The following MRPL37 variants were observed in gnomAD, a reference collection of about 807,000 sequenced individuals.
The protein encoded by MRPL37 is large ribosomal subunit protein mL37.
MRPL37 carries 34 observed loss-of-function variants against 44.1 expected under a neutral mutation model. The ratio of observed to expected loss-of-function variants is 0.77; its 90% CI spans 0.59 to 1.03. MRPL37 has a LOEUF of 1.03. Among genes scored for constraint, MRPL37 ranks in the 50% least tolerant of loss-of-function variants. The pLI, the probability that MRPL37 is intolerant of heterozygous loss-of-function variation, is 0.00. For synonymous variants in MRPL37, 212 were observed against 219.5 expected (o/e 0.97, Z 0.30); for missense variants, 532 against 543.7 (o/e 0.98, Z 0.21).
chr1:54,205,529 T>G, intron 3 of MRPL37, 119 bp downstream of exon 3: 4 of 809,614 alleles, frequency 4.9e-6, no homozygotes, highest in Non-Finnish European at 7.8e-6. Flanking sequence ...CCATCATTCG[T>G]GGTCTCGTTT....
At chr1:54,219,826 C>G (rs1570156060), downstream of MRPL37, among the ~76,000 whole-genome samples, 2 of 152,230 alleles carry the variant, frequency 1.3e-5, no homozygotes, top group Admixed American at 1.3e-4. Flanking sequence ...ACAGCCTGTT[C>G]TGCACTTCCT....
At chr1:54,203,729 G>A (rs576867607) in intron 1 of MRPL37, among the ~76,000 whole-genome samples, 1 of 152,082 alleles carries the variant, frequency 6.6e-6, no homozygotes, top group South Asian at 2.1e-4. Context: ...GCCCACCTCA[G>A]CCTCCCAAAG....
rs376817529 is a variant in MRPL37, at chr1:54,200,227, G to C, written c.-17G>C. 9.1e-6 allele frequency: 14 copies of C among 1,544,058 alleles called. No individual in the cohort carries two copies. The highest frequency in any genetic ancestry group is 1.2e-5 in the Non-Finnish European group (14 of 1,151,568). On this transcript the variant is annotated 5_prime_UTR_variant, in exon 1 of 7. An upstream open reading frame in the 5' UTR loses its in-frame stop. Coordinates refer to ENST00000360840, the MANE Select transcript of MRPL37 (RefSeq NM_016491.4). ...ATGGCGGGGTCCAGGTGGAGGTCTTGAGGCTATCAGATCGGTATGGCATTG... is the reference window on the plus strand; with the variant it reads ...ATGGCGGGGTCCAGGTGGAGGTCTTCAGGCTATCAGATCGGTATGGCATTG...
intron 1 of MRPL37, among the ~76,000 whole-genome samples, chr1:54,202,867 C>G (rs1316726415): frequency 2.0e-5 from 3 of 152,186 alleles, no homozygotes; most frequent in African/African-American, 7.2e-5. Flanking sequence ...GGTCTGCCAA[C>G]CAAGGCAGCC....
At chr1:54,208,727 C>T (rs1644142916) in intron 3 of MRPL37, among the ~76,000 whole-genome samples, 1 of 152,058 alleles carries the variant, frequency 6.6e-6, no homozygotes, top group South Asian at 2.1e-4. Context: ...AACTAGAGTG[C>T]TTTTCCCCCT....
chr1:54,221,295 C>T (rs115447871), downstream of MRPL37, among the ~76,000 whole-genome samples: 50 of 152,274 alleles, frequency 3.3e-4, no homozygotes, highest in Middle Eastern at 3.4e-3. Flanking sequence ...AGGACAGGAT[C>T]CTCTCGGGCT....
At chr1:54,214,039 T>C (rs577844084) in intron 5 of MRPL37, among the ~76,000 whole-genome samples, 42 of 152,220 alleles carry the variant, frequency 2.8e-4, no homozygotes, top group African/African-American at 1.0e-3. Context: ...AAAGATTAGC[T>C]GGGTGTGGTG....
chr1:54,202,400 T>C (rs1051544958), intron 1 of MRPL37, among the ~76,000 whole-genome samples: 1 of 152,228 alleles, frequency 6.6e-6, no homozygotes, highest in Non-Finnish European at 1.5e-5. Flanking sequence ...CTTTCATTTG[T>C]TACCACAAGA....
chr1:54,209,244 C>G (rs1432737747), intron 3 of MRPL37, among the ~76,000 whole-genome samples: 1 of 152,154 alleles, frequency 6.6e-6, no homozygotes, highest in East Asian at 1.9e-4. Flanking sequence ...CTTCGCTCCC[C>G]AGAGACCATC....
downstream of MRPL37, chr1:54,221,042 TC>T (rs1272798155): frequency 2.8e-6 from 1 of 352,962 alleles, no homozygotes; most frequent in Non-Finnish European, 5.7e-6. Flanking sequence ...ATCCTCCACT[TC>T]CTCGCTGGCA....
At position 54,205,368 on chromosome 1, in the gene MRPL37, A is replaced by T. The variant is rs199615607; in HGVS notation, c.604A>T (p.Ile202Phe). 1 of 1,614,058 alleles carries T rather than the reference A, an allele frequency of 6.2e-7. No homozygotes were observed. Among genetic ancestry groups the T allele is most frequent in the East Asian group, 2.2e-5 (1 of 44,880 alleles). Residue 202 changes from isoleucine (I) to phenylalanine (F), a missense_variant, in exon 3 of 7, where the codon ATC (isoleucine) becomes TTC (phenylalanine). By Grantham distance (21) the Ile-to-Phe change is conservative (BLOSUM62 0). Transcript: ENST00000360840. Reference protein sequence around the residue: ...ILKHPSLARRICVQNSTFSAT... With the variant: ...ILKHPSLARRFCVQNSTFSAT... ...CAAGCATCCTTCTCTGGCCAGGAGG[A>T]TCTGTGTCCAAAACTCCACGTTTTC...
chr1:54,200,956 A>T (rs990635017), intron 1 of MRPL37, among the ~76,000 whole-genome samples: 1 of 152,126 alleles, frequency 6.6e-6, no homozygotes, highest in African/African-American at 2.4e-5. Context: ...CATTCTGGAG[A>T]TTAACTGTAT....
chr1:54,203,467 C>CTTTTTTTTTTTT (rs780467512), intron 1 of MRPL37, among the ~76,000 whole-genome samples: 3 of 98,874 alleles, frequency 3.0e-5, no homozygotes, highest in African/African-American at 4.1e-5. Context: ...ACTTCATTTA[C>CTTTTTTTTTTTT]TTTTTTTTTT....
downstream of MRPL37, among the ~76,000 whole-genome samples, chr1:54,218,608 A>G (rs1479873929): frequency 2.0e-5 from 3 of 152,128 alleles, no homozygotes; most frequent in African/African-American, 7.2e-5. Context: ...TGTCTGCCAC[A>G]TGGCAGATAC....
At position 54,216,198 on chromosome 1, in the gene MRPL37, C is replaced by T. The variant is rs145269794; in HGVS notation, c.1048C>T (p.Arg350Cys). The stretch of plus-strand genomic sequence containing the variant: ...GGTGCAGAGCGTGGGCACGGATGGA[C>T]GTGTCTTCCATTTCCTAGTGTTTCA... ...VVVQSVGTDGRVFHFLVFQLN... is the reference protein window; with the variant it reads ...VVVQSVGTDGCVFHFLVFQLN... The change falls in exon 6 of 7, where the codon CGT (arginine) becomes TGT (cysteine). Residue 350 changes from arginine to cysteine, a missense_variant. Coordinates refer to ENST00000360840, the MANE Select transcript of MRPL37 (RefSeq NM_016491.4). 1.9e-5 allele frequency: 31 copies of T among 1,614,088 alleles called. No individual in the cohort carries two copies. Among genetic ancestry groups the T allele is most frequent in the Admixed American group, 3.3e-5 (2 of 60,002 alleles).
chr1:54,222,119 G>C (rs940319840), downstream of MRPL37, among the ~76,000 whole-genome samples: 1 of 152,208 alleles, frequency 6.6e-6, no homozygotes, highest in Non-Finnish European at 1.5e-5. Context: ...AGCACTCATC[G>C]AGCACCTACT....
At chr1:54,209,450 A>ATT (rs35454838) in intron 3 of MRPL37, among the ~76,000 whole-genome samples, 67 of 137,692 alleles carry the variant, frequency 4.9e-4, no homozygotes, top group South Asian at 1.9e-3. Context: ...AAAGTCTTTA[A>ATT]TTTTTTTTTT....
intron 5 of MRPL37, 64 bp downstream of exon 5, chr1:54,212,722 C>G: frequency 6.3e-7 from 1 of 1,598,076 alleles, no homozygotes; most frequent in Non-Finnish European, 8.6e-7. Context: ...CTTAAGGTTA[C>G]TGCTCAGAGG....
At chr1:54,201,359 C>A (rs951652116) in intron 1 of MRPL37, among the ~76,000 whole-genome samples, 1 of 152,126 alleles carries the variant, frequency 6.6e-6, no homozygotes, top group Non-Finnish European at 1.5e-5. Context: ...GTCAATTGGC[C>A]AGCCTCTTAA....
Sources: allele counts gnomAD v4.1 joint callset (sites outside exome capture counted in the v4.1 genomes callset), GRCh38; gene constraint gnomAD v4.1.1; transcripts MANE v1.5; gene names NCBI Gene and HGNC (gene_info 2026-07-23, HGNC 2026-07-21).